VPS41: variants seen among roughly 807,000 people sequenced by gnomAD.
VPS41 encodes VPS41 subunit of HOPS complex.
A neutral mutation model predicts 130.9 loss-of-function variants in VPS41; 85 were observed. That is an observed-to-expected ratio of 0.65 (90% CI 0.55 to 0.78). VPS41 has a LOEUF of 0.78. VPS41 is among the 30% of genes least tolerant of loss of function. VPS41 has a pLI of 0.00. For missense variants in VPS41, 874 were observed against 1,018.7 expected (o/e 0.86, Z 1.93); for synonymous variants, 335 against 332.9 (o/e 1.01, Z -0.07).
chr7:38,834,724 A>C (rs1042800712), intron 4 of VPS41, among the ~76,000 whole-genome samples: 17 of 152,170 alleles, frequency 1.1e-4, no homozygotes, highest in Non-Finnish European at 1.9e-4. Flanking sequence ...TGGCCCAGGA[A>C]AATGTCTGAG....
At chr7:38,738,746 T>C (rs1795823330) in intron 25 of VPS41, among the ~76,000 whole-genome samples, 3 of 152,232 alleles carry the variant, frequency 2.0e-5, no homozygotes, top group Non-Finnish European at 1.5e-5. Flanking sequence ...GTGCAATACA[T>C]GCCACTTGCA....
At chr7:38,763,310 G>A (rs1783960589) in intron 17 of VPS41, 145 bp downstream of exon 17, 2 of 474,366 alleles carry the variant, frequency 4.2e-6, no homozygotes, top group Middle Eastern at 5.9e-4. Flanking sequence ...GAGTTATACT[G>A]GAGTTTCTCT....
chr7:38,739,805 T>C (rs909287730), intron 25 of VPS41, among the ~76,000 whole-genome samples: 9 of 152,164 alleles, frequency 5.9e-5, no homozygotes, highest in Non-Finnish European at 1.0e-4. Context: ...GCTAAATAAT[T>C]CTGAACCTCC....
chr7:38,768,699 C>T lies in VPS41; in HGVS notation c.1186-1101G>A, dbSNP rs550586190. On this transcript the variant is annotated intron_variant, in intron 14 of 28. Coordinates refer to ENST00000310301, the MANE Select transcript of VPS41 (RefSeq NM_014396.4). Reference sequence around the variant, plus strand: ...GTAACAATTCTACACAGGTTCTTTCCATCAAGGTTCAGAGAAAGAATGTCT... The same window carrying T: ...GTAACAATTCTACACAGGTTCTTTCTATCAAGGTTCAGAGAAAGAATGTCT... Among the ~76,000 whole-genome samples, 9 of 152,286 alleles carry T rather than the reference C, an allele frequency of 5.9e-5. 1 individual carries two copies. The South Asian group carries it at 1.9e-3, about 32-fold the overall frequency.
chr7:38,859,347 T>C (rs1786052490), intron 4 of VPS41, among the ~76,000 whole-genome samples: 1 of 152,116 alleles, frequency 6.6e-6, no homozygotes, highest in Non-Finnish European at 1.5e-5. Flanking sequence ...GTTTATAATG[T>C]CTACAGTAGT....
At chr7:38,773,553 G>T (rs181772365) in intron 12 of VPS41, among the ~76,000 whole-genome samples, 60 of 152,150 alleles carry the variant, frequency 3.9e-4, no homozygotes, top group African/African-American at 1.3e-3. Context: ...TTTTACAAGG[G>T]TATGATAACA....
At chr7:38,850,672 C>A (rs1427865591) in intron 4 of VPS41, among the ~76,000 whole-genome samples, 1 of 152,170 alleles carries the variant, frequency 6.6e-6, no homozygotes, top group Admixed American at 6.5e-5. Flanking sequence ...TGAGCCATCA[C>A]ATGAGCCACC....
At chr7:38,873,630 T>C (rs760268050) in intron 2 of VPS41, among the ~76,000 whole-genome samples, 2 of 152,168 alleles carry the variant, frequency 1.3e-5, no homozygotes, top group African/African-American at 2.4e-5. Flanking sequence ...AGTGGAATAG[T>C]ACAAGTCCTG....
At chr7:38,909,127 C>T (rs1276313633) in intron 1 of VPS41, 27 bp downstream of exon 1, 1 of 1,613,802 alleles carries the variant, frequency 6.2e-7, no homozygotes, top group Non-Finnish European at 8.5e-7. Flanking sequence ...TATCCCTGTG[C>T]CCTCAACTAC....
chr7:38,900,583 CA>C (rs1787119768), intron 1 of VPS41, among the ~76,000 whole-genome samples: 1 of 152,092 alleles, frequency 6.6e-6, no homozygotes, highest in Non-Finnish European at 1.5e-5. Context: ...AATTTCAATC[CA>C]AAAACTCAAA....
intron 1 of VPS41, among the ~76,000 whole-genome samples, chr7:38,900,798 G>A (rs988950259): frequency 6.6e-6 from 1 of 152,102 alleles, no homozygotes; most frequent in Non-Finnish European, 1.5e-5. Flanking sequence ...CACACAGACA[G>A]GCGATCTCAA....
Position 38,774,250 on chromosome 7 carries a change from G to T in VPS41, c.883-6C>A. 1 of 1,561,034 alleles carries T rather than the reference G, an allele frequency of 6.4e-7. No homozygotes were observed. Among genetic ancestry groups the T allele is most frequent in the Non-Finnish European group, 8.7e-7 (1 of 1,151,872 alleles). On this transcript the variant is annotated splice_region_variant and splice_polypyrimidine_tract_variant and intron_variant, in intron 11 of 28. Transcript: ENST00000310301. ...CTGGCACAGTATTCTCTTTCCTAGT[G>T]GGGGAAAAGAGAGAAACATTAATTT...
rs566939772 is a variant in VPS41, at chr7:38,754,915, C to A, written c.1717G>T (p.Asp573Tyr). ...CTCACTGAAATTTTATCTTCATTGT[C>A]CAAAAGCATGTCAACAGCTTTCTGA... is the stretch of plus-strand genomic sequence containing the variant. The part of the protein sequence containing the change: ...DSEKAVDMLL[D>Y]NEDKISIKKV... The change falls in exon 20 of 29, where the codon GAC (aspartate) becomes TAC (tyrosine). Residue 573 changes from aspartate (D) to tyrosine (Y), a missense_variant. Physicochemically the swap from Asp to Tyr is radical, Grantham distance 160. Coordinates refer to ENST00000310301, the MANE Select transcript of VPS41 (RefSeq NM_014396.4). 1.9e-6 allele frequency: 3 copies of A among 1,613,666 alleles called. No individual in the cohort carries two copies. The East Asian group carries it at 6.7e-5, about 36-fold the overall frequency.
In VPS41 at chr7:38,774,110, C is replaced by G. The variant is rs753859533; in HGVS notation, c.1012+5G>C. The G allele has an allele frequency of 1.3e-6, 2 of 1,597,222 alleles. No individual in the cohort carries two copies. Among genetic ancestry groups the G allele is most frequent in the South Asian group, 2.3e-5 (2 of 88,644 alleles). ...CATATCAGCCAGATCTTTCATATCT[C>G]CTACCTAAATGATAATCTCTACATT... On this transcript the variant is annotated splice_donor_5th_base_variant and intron_variant, in intron 12 of 28. Transcript: ENST00000310301.
rs1795481751 is a variant in VPS41 at position 38,723,723 on chromosome 7, C to CAAAAAAGAAAAA, written c.*2522_*2523insTTTTTCTTTTTT. On this transcript the variant is annotated 3_prime_UTR_variant, in exon 29 of 29. Transcript: ENST00000310301. ...AAGGCAACAGAACGAGACTCCATCTCAAAAAAAAAAAAAAAAAAAAAAAAA... is the reference window on the plus strand; with the variant it reads ...AAGGCAACAGAACGAGACTCCATCTCAAAAAAGAAAAAAAAAAAAAAAAAAAAAAAAAAAAAA... 2.6e-5 allele frequency: 1 copy of CAAAAAAGAAAAA among 38,860 alleles called. No individual in the cohort carries two copies. The highest frequency in any genetic ancestry group is 4.4e-5 in the Non-Finnish European group (1 of 22,702). 2.4% of individuals were successfully genotyped at this position (38,860 alleles called of 1,614,324 possible). A position where few individuals can be genotyped will look rare whatever the true frequency, so the allele number is the denominator to read the frequency against.
In VPS41 at chr7:38,862,534, A is replaced by G; in HGVS notation, c.246+11T>C. 1 of 1,532,836 alleles carries G rather than the reference A, an allele frequency of 6.5e-7. No homozygotes were observed. Among genetic ancestry groups the G allele is most frequent in the East Asian group, 2.3e-5 (1 of 44,244 alleles). 95.0% of individuals were successfully genotyped at this position (1,532,836 alleles called of 1,614,324 possible). A position where few individuals can be genotyped will look rare whatever the true frequency, so the allele number is the denominator to read the frequency against. ...GTTTAGCTCATACATTATTTTATAC[A>G]GAATACTTACTACATCAAACTTCTG... On this transcript the variant is annotated intron_variant, in intron 4 of 28. Coordinates refer to ENST00000310301, the MANE Select transcript of VPS41 (RefSeq NM_014396.4).
intron 4 of VPS41, among the ~76,000 whole-genome samples, chr7:38,830,631 G>A (rs1334082779): frequency 6.6e-6 from 1 of 152,160 alleles, no homozygotes; most frequent in African/African-American, 2.4e-5. Context: ...AAATATCTCA[G>A]ATCAAGTAGG....
chr7:38,875,513 TAAAG>T (rs1242166286), intron 2 of VPS41, among the ~76,000 whole-genome samples: 12 of 152,214 alleles, frequency 7.9e-5, no homozygotes, highest in Non-Finnish European at 2.9e-5. Context: ...ATAGTTCTAT[TAAAG>T]AAAGATCATT....
intron 2 of VPS41, among the ~76,000 whole-genome samples, chr7:38,883,639 A>G (rs1173533502): frequency 7.3e-6 from 1 of 136,376 alleles, no homozygotes; most frequent in Non-Finnish European, 1.5e-5. Context: ...AAAAGTCATC[A>G]ATAAATATTT....
Sources: allele counts gnomAD v4.1 joint callset (sites outside exome capture counted in the v4.1 genomes callset), GRCh38; gene constraint gnomAD v4.1.1; transcripts MANE v1.5; gene names NCBI Gene and HGNC (gene_info 2026-07-23, HGNC 2026-07-21).